LNPK: variants seen among roughly 807,000 people sequenced by gnomAD.
LNPK encodes the protein endoplasmic reticulum junction formation protein lunapark.
Under a neutral mutation model 55.2 loss-of-function variants are expected in LNPK, and 29 were observed. The ratio of observed to expected loss-of-function variants is 0.53; its 90% confidence interval spans 0.39 to 0.72. The LOEUF (loss-of-function observed/expected upper bound fraction) is 0.72. Among genes scored for constraint, LNPK ranks in the 30% least tolerant of loss-of-function variants. The pLI is 0.00. For synonymous variants in LNPK, 162 were observed against 168.2 expected (o/e 0.96, Z 0.29); for missense variants, 467 against 494.8 (o/e 0.94, Z 0.53).
intron 8 of LNPK, among the ~76,000 whole-genome samples, chr2:175,959,991 C>A (rs1574850031): frequency 6.6e-6 from 1 of 152,202 alleles, no homozygotes; most frequent in Middle Eastern, 3.4e-3. Context: ...GTAAAGGAGT[C>A]AATTCAACAA....
intron 8 of LNPK, among the ~76,000 whole-genome samples, chr2:175,950,747 AC>A (rs893329819): frequency 8.5e-5 from 13 of 152,174 alleles, no homozygotes; most frequent in African/African-American, 3.1e-4. Flanking sequence ...GCGAATACTT[AC>A]CTCTTATGCT....
intron 9 of LNPK, among the ~76,000 whole-genome samples, chr2:175,942,900 G>A (rs1358379481): frequency 2.0e-5 from 3 of 149,820 alleles, no homozygotes; most frequent in Admixed American, 6.6e-5. Flanking sequence ...CAATATAATT[G>A]TTAACCTCTA....
rs149622975 is a variant in LNPK, at chr2:175,968,914, A to G, written c.357+1850T>C. 7.1e-3 allele frequency among the ~76,000 whole-genome samples: 1,080 copies of G among 152,104 alleles called. 8 individuals are homozygous for G. The highest frequency in any genetic ancestry group is 0.024 in the Middle Eastern group (7 of 294). ...ATGCCTGTAATACCAGCTACTTGGG[A>G]GGCTGAGGCAGGAGAATCACTTGAA... is the stretch of plus-strand genomic sequence containing the variant. On this transcript the variant is annotated intron_variant, in intron 6 of 12. Transcript: ENST00000272748.
chr2:175,992,562 C>A, intron 3 of LNPK, 144 bp from the exon 4 acceptor site: 3 of 469,870 alleles, frequency 6.4e-6, no homozygotes, highest in Non-Finnish European at 7.3e-6. Flanking sequence ...CAGTTTAAAA[C>A]AAAACATAAT....
rs1053835473 is a variant in LNPK at position 175,943,321 on chromosome 2, GAAGA to G, written c.707-3668_707-3665del. ...AAATTAAGGAAACATTTAAATTAAG[GAAGA>G]AATAATACCAATTCTACACAAATTG... On this transcript the variant is annotated intron_variant, in intron 9 of 12. Transcript: ENST00000272748. Among the ~76,000 whole-genome samples the G allele has an allele frequency of 8.7e-5, 13 of 150,058 alleles. 1 individual carries two copies. The highest frequency in any genetic ancestry group is 8.0e-4 in the Admixed American group (12 of 15,090).
chr2:175,930,143 G>T lies in LNPK; in HGVS notation c.1111C>A (p.Pro371Thr), dbSNP rs749725621. The change falls in exon 13 of 13, where the codon CCA becomes ACA. Residue 371 changes from proline to threonine, a missense_variant. Pro to Thr is a conservative substitution (Grantham distance 38). Transcript: ENST00000272748. ...DNTEQTDDKI[P>T]ATEQTNQVIE... ...ACTTGGTTTGTCTGTTCTGTAGCTGGTATTTTGTCATCTGTCTGCTCTGTA... is the reference window on the plus strand; with the variant it reads ...ACTTGGTTTGTCTGTTCTGTAGCTGTTATTTTGTCATCTGTCTGCTCTGTA... The T allele has an allele frequency of 2.1e-5, 34 of 1,613,038 alleles. No individual in the cohort carries two copies. Among genetic ancestry groups the T allele is most frequent in the Non-Finnish European group, 2.7e-5 (32 of 1,179,310 alleles).
rs779555991 is a variant in LNPK at position 175,929,427 on chromosome 2, T to C, written c.*540A>G. On this transcript the variant is annotated 3_prime_UTR_variant, in exon 13 of 13. Transcript: ENST00000272748. ...ACTTAACTGTTCCACTGCATTCTTA[T>C]TGAGAATTCGTACCAGTGCCTATGT... 41 of 985,710 alleles carry C rather than the reference T, an allele frequency of 4.2e-5. No homozygotes were observed. Among genetic ancestry groups the C allele is most frequent in the Non-Finnish European group, 4.9e-5 (41 of 829,914 alleles). The allele number at this position is 985,710 out of a possible 1,614,324, so 61.1% of individuals were successfully genotyped here. A position where few individuals can be genotyped will look rare whatever the true frequency, so the allele number is the denominator to read the frequency against.
chr2:175,952,038 G>T (rs1685448986), intron 8 of LNPK, among the ~76,000 whole-genome samples: 1 of 151,340 alleles, frequency 6.6e-6, no homozygotes, highest in Admixed American at 6.6e-5. Flanking sequence ...ATTTTCTTTT[G>T]AGAATTGTCT....
rs1686883378 is a variant in LNPK, at chr2:175,975,836, C to A, written c.316+3974G>T. On this transcript the variant is annotated intron_variant, in intron 5 of 12. Transcript: ENST00000272748. ...GACCAGCTTGGACAAAATGGTGAAA[C>A]CCTGTCTCTATTAAAAATACAAAAA... Among the ~76,000 whole-genome samples, 3 of 152,080 alleles carry A rather than the reference C, an allele frequency of 2.0e-5. No individual in the cohort carries two copies. The South Asian group carries it at 6.2e-4, about 31-fold the overall frequency.
chr2:175,985,357 C>G (rs886726993), intron 4 of LNPK, among the ~76,000 whole-genome samples: 1 of 152,184 alleles, frequency 6.6e-6, no homozygotes, highest in Non-Finnish European at 1.5e-5. Context: ...TCATATAAAA[C>G]TGATGAACTC....
intron 9 of LNPK, among the ~76,000 whole-genome samples, chr2:175,946,979 A>G (rs1407217490): frequency 3.9e-5 from 6 of 152,088 alleles, no homozygotes; most frequent in Non-Finnish European, 8.8e-5. Context: ...TTTATAAAAT[A>G]TCTATCAGAA....
At chr2:175,984,553 C>T (rs1574889190) in intron 4 of LNPK, among the ~76,000 whole-genome samples, 1 of 151,994 alleles carries the variant, frequency 6.6e-6, no homozygotes, top group East Asian at 1.9e-4. Context: ...GAAAATTGGA[C>T]AAAAGTCATG....
At chr2:175,959,548 G>A (rs1685895975) in intron 8 of LNPK, among the ~76,000 whole-genome samples, 1 of 152,092 alleles carries the variant, frequency 6.6e-6, no homozygotes, top group Non-Finnish European at 1.5e-5. Context: ...CCTTACAAGA[G>A]CTCCTGAAGG....
At chr2:175,943,835 GA>G (rs1684984403) in intron 9 of LNPK, among the ~76,000 whole-genome samples, 1 of 152,050 alleles carries the variant, frequency 6.6e-6, no homozygotes, top group South Asian at 2.1e-4. Flanking sequence ...GCAAAACTGT[GA>G]AAGAATAATT....
chr2:175,975,522 G>A (rs1686871004), intron 5 of LNPK, among the ~76,000 whole-genome samples: 1 of 152,146 alleles, frequency 6.6e-6, no homozygotes, highest in Non-Finnish European at 1.5e-5. Context: ...TTTGACATAG[G>A]CATACAATGT....
chr2:175,939,444 G>T, intron 10 of LNPK, 108 bp downstream of exon 10: 1 of 511,498 alleles, frequency 2.0e-6, no homozygotes, highest in Non-Finnish European at 3.5e-6. Context: ...ACTCCACTAT[G>T]CTCTAAAGTC....
chr2:175,957,483 A>C (rs1685754137), intron 8 of LNPK, among the ~76,000 whole-genome samples: 1 of 151,776 alleles, frequency 6.6e-6, no homozygotes, highest in Non-Finnish European at 1.5e-5. Flanking sequence ...CTCCACTTGT[A>C]TACTAGATCA....
intron 5 of LNPK, among the ~76,000 whole-genome samples, chr2:175,972,188 T>C (rs116428952): frequency 0.088 from 13,423 of 152,212 alleles, 793 homozygotes; most frequent in Non-Finnish European, 0.14. Context: ...AGTGCTAGAT[T>C]ACAGGCATGA....
At chr2:175,987,785 C>T (rs575026636) in intron 4 of LNPK, among the ~76,000 whole-genome samples, 2 of 152,120 alleles carry the variant, frequency 1.3e-5, no homozygotes, top group South Asian at 2.1e-4. Context: ...GAAATTAATG[C>T]TACTTGGAAT....
Sources: allele counts gnomAD v4.1 joint callset (sites outside exome capture counted in the v4.1 genomes callset), GRCh38; gene constraint gnomAD v4.1.1; transcripts MANE v1.5; gene names NCBI Gene and HGNC (gene_info 2026-07-23, HGNC 2026-07-21).